OPTN: variants seen among roughly 807,000 people sequenced by gnomAD.
OPTN encodes the protein E3-14.7K-interacting protein.
A neutral mutation model predicts 70.4 loss-of-function variants in OPTN; 54 were observed. That is an observed-to-expected ratio of 0.77 (90% CI 0.62 to 0.96). The LOEUF (loss-of-function observed/expected upper bound fraction) is 0.96, where lower values mean the gene tolerates loss of function less well. OPTN is among the 40% of genes least tolerant of loss of function. The probability of loss-of-function intolerance (pLI) is 0.00; values close to 1 mark genes in which losing one functional copy is unlikely to be tolerated. For missense variants in OPTN, 624 were observed against 673.2 expected, an observed-to-expected ratio of 0.93 and a Z score of 0.81; for synonymous variants, 256 against 248.5, an observed-to-expected ratio of 1.03 and a Z score of -0.28.
intron 11 of OPTN, among the ~76,000 whole-genome samples, chr10:13,126,345 A>G (rs1325092973): frequency 2.0e-5 from 3 of 147,560 alleles, no homozygotes; most frequent in African/African-American, 7.7e-5. Context: ...CAGTGGCGCG[A>G]TCTCGGCTCA....
chr10:13,112,101 G>C (rs1237286349), intron 4 of OPTN, among the ~76,000 whole-genome samples: 1 of 150,584 alleles, frequency 6.6e-6, no homozygotes, highest in Non-Finnish European at 1.5e-5. Flanking sequence ...CGCCCACCTC[G>C]GCCTCCCAAA....
chr10:13,121,262 G>A (rs1833342421), intron 7 of OPTN, among the ~76,000 whole-genome samples: 1 of 152,076 alleles, frequency 6.6e-6, no homozygotes, highest in African/African-American at 2.4e-5. Context: ...TTCCAACTTT[G>A]TTCTTCTTTT....
At chr10:13,111,447 C>T (rs1832992836) in intron 4 of OPTN, among the ~76,000 whole-genome samples, 1 of 152,106 alleles carries the variant, frequency 6.6e-6, no homozygotes, top group East Asian at 1.9e-4. Context: ...CCTGTAATCC[C>T]AGCGCTTTGG....
At chr10:13,120,631 T>C (rs1417612272) in intron 7 of OPTN, among the ~76,000 whole-genome samples, 1 of 152,124 alleles carries the variant, frequency 6.6e-6, no homozygotes, top group Non-Finnish European at 1.5e-5. Flanking sequence ...GTGGTCCATT[T>C]TGAGTTTGTT....
chr10:13,115,093 T>A lies in OPTN; in HGVS notation c.553-1174T>A, dbSNP rs1331497117. On this transcript the variant is annotated intron_variant, in intron 5 of 14. Transcript: ENST00000378747. ...TATTTATATATATAGATATATCTAT[T>A]TTATATATTTTTATATATATTATAT... Among the ~76,000 whole-genome samples, 17 of 6,176 alleles carry A rather than the reference T, an allele frequency of 2.8e-3. 2 individuals are homozygous for A. The highest frequency in any genetic ancestry group is 5.1e-3 in the Non-Finnish European group (13 of 2,536). 4.1% of individuals were successfully genotyped at this position (6,176 alleles called of 152,430 possible). A position where few individuals can be genotyped will look rare whatever the true frequency, so the allele number is the denominator to read the frequency against.
At chr10:13,119,892 T>G (rs150120537) in intron 7 of OPTN, among the ~76,000 whole-genome samples, 4 of 152,348 alleles carry the variant, frequency 2.6e-5, no homozygotes, top group Non-Finnish European at 5.9e-5. Flanking sequence ...AATTGGGTTA[T>G]TTGTCTTTTT....
chr10:13,109,834 CAAAAAA>C (rs33911800), intron 3 of OPTN, among the ~76,000 whole-genome samples: 2 of 84,914 alleles, frequency 2.4e-5, no homozygotes, highest in African/African-American at 8.6e-5. Flanking sequence ...GACCCTGACT[CAAAAAA>C]AAAAAAAAAA....
At position 13,124,127 on chromosome 10, in the gene OPTN, A is replaced by C; in HGVS notation, c.998+17A>C. On this transcript the variant is annotated intron_variant, in intron 9 of 14. Coordinates refer to ENST00000378747, the MANE Select transcript of OPTN (RefSeq NM_001008212.2). ...TCAAGAAAAGTAAGAATGAGAGAGC[A>C]ATTTTATCCTCCTTTGAAATATACA... 1 of 1,372,076 alleles carries C rather than the reference A, an allele frequency of 7.3e-7. No individual in the cohort carries two copies. Among genetic ancestry groups the C allele is most frequent in the Non-Finnish European group, 1.0e-6 (1 of 962,882 alleles). The allele number at this position is 1,372,076 out of a possible 1,614,324, so 85.0% of individuals were successfully genotyped here.
At chr10:13,133,759 A>C (rs1174305807) in intron 14 of OPTN, among the ~76,000 whole-genome samples, 178 bp downstream of exon 14, 1 of 152,072 alleles carries the variant, frequency 6.6e-6, no homozygotes, top group Non-Finnish European at 1.5e-5. Context: ...CCGAATCCAG[A>C]CCAGACCCTT....
At chr10:13,100,082 G>A (rs886046816), upstream of OPTN, 3 of 152,186 alleles carry the variant, frequency 2.0e-5, no homozygotes, top group East Asian at 1.9e-4. Flanking sequence ...GAAATTCCCC[G>A]GCGCGGGCAG....
In OPTN at chr10:13,132,174, T is replaced by A; in HGVS notation, c.1509T>A (p.Asn503Lys). ...ALQLAVLLKE[N>K]DAFEDGGRQS... ...AGCTGGCAGTTCTGCTGAAAGAGAA[T>A]GATGCTTTCGAAGACGGAGGCAGGT... Residue 503 changes from asparagine (N) to lysine (K), a missense_variant, in exon 13 of 15, where the codon AAT (asparagine) becomes AAA (lysine). By Grantham distance (94) the Asn-to-Lys change is moderately conservative. Coordinates refer to ENST00000378747, the MANE Select transcript of OPTN (RefSeq NM_001008212.2). 6.2e-7 allele frequency: 1 copy of A among 1,613,152 alleles called. No individual in the cohort carries two copies. The highest frequency in any genetic ancestry group is 8.5e-7 in the Non-Finnish European group (1 of 1,179,334).
At chr10:13,115,165 G>T (rs367560099) in intron 5 of OPTN, among the ~76,000 whole-genome samples, 45 of 84,424 alleles carry the variant, frequency 5.3e-4, no homozygotes, top group Admixed American at 9.2e-4. Flanking sequence ...TTTATATATA[G>T]ATATATCTAT....
At chr10:13,107,377 C>T (rs1027143104) in intron 1 of OPTN, among the ~76,000 whole-genome samples, 1 of 139,476 alleles carries the variant, frequency 7.2e-6, no homozygotes, top group Non-Finnish European at 1.6e-5. Flanking sequence ...TCTCAAAAAA[C>T]CAAAACAGTC....
rs1429102719 is a variant in OPTN at position 13,114,760 on chromosome 10, GCA to G, written c.553-1506_553-1505del. Among the ~76,000 whole-genome samples, 95 of 20,812 alleles carry G rather than the reference GCA, an allele frequency of 4.6e-3. 7 individuals carry two copies. Among genetic ancestry groups the G allele is most frequent in the African/African-American group, 0.012 (83 of 7,174 alleles). The allele number at this position is 20,812 out of a possible 152,430, so 13.7% of individuals were successfully genotyped here. ...GAATATATTCTACAATTATATAATTGCATATATAATTATATAATTATATAATT... is the reference window on the plus strand; with the variant it reads ...GAATATATTCTACAATTATATAATTGTATATAATTATATAATTATATAATT... On this transcript the variant is annotated intron_variant, in intron 5 of 14. Transcript: ENST00000378747.
intron 7 of OPTN, among the ~76,000 whole-genome samples, chr10:13,120,537 C>T (rs1164995884): frequency 6.7e-6 from 1 of 149,074 alleles, no homozygotes; most frequent in African/African-American, 2.5e-5. Flanking sequence ...GGCCACCGCA[C>T]TCCAGCCTGG....
At chr10:13,109,322 T>C (rs61851425) in intron 3 of OPTN, 34 bp downstream of exon 3, 12 of 1,610,696 alleles carry the variant, frequency 7.5e-6, no homozygotes, top group Non-Finnish European at 8.5e-6. Flanking sequence ...GCCCCATTCA[T>C]CCTGGGCCTG....
chr10:13,106,555 C>G (rs1832868945), intron 1 of OPTN, among the ~76,000 whole-genome samples: 1 of 152,180 alleles, frequency 6.6e-6, no homozygotes, highest in South Asian at 2.1e-4. Flanking sequence ...GAGAATGCCC[C>G]TCTTGGTACT....
At position 13,125,475 on chromosome 10, in the gene OPTN, A is replaced by G; in HGVS notation, c.1056A>G (p.Gln352=). 1 of 1,614,198 alleles carries G rather than the reference A, an allele frequency of 6.2e-7. No homozygotes were observed. ...SAIPSELNEK[Q]ELVYTNKKLE... is the part of the protein sequence containing the mutation. ...TTCCATCAGAGTTGAATGAAAAGCA[A>G]GAGCTTGTTTATACTAACAAAAAGT... The change falls in exon 10 of 15, where the codon CAA becomes CAG. Residue 352 remains glutamine, a synonymous_variant. Coordinates refer to ENST00000378747, the MANE Select transcript of OPTN (RefSeq NM_001008212.2).
Position 13,122,498 on chromosome 10 carries a change from A to C in OPTN, c.882+11A>C. ...AAAGGCCCGGAGACTGTGAGTCCTAAGATTCCACGGCCACTACCACACCCA... is the reference window on the plus strand; with the variant it reads ...AAAGGCCCGGAGACTGTGAGTCCTACGATTCCACGGCCACTACCACACCCA... On this transcript the variant is annotated intron_variant, in intron 8 of 14. Transcript: ENST00000378747. 1.3e-6 allele frequency: 2 copies of C among 1,579,908 alleles called. No individual in the cohort carries two copies. The highest frequency in any genetic ancestry group is 1.7e-6 in the Non-Finnish European group (2 of 1,148,800).
Sources: allele counts gnomAD v4.1 joint callset (sites outside exome capture counted in the v4.1 genomes callset), GRCh38; gene constraint gnomAD v4.1.1; transcripts MANE v1.5; gene names NCBI Gene and HGNC (gene_info 2026-07-23, HGNC 2026-07-21).